ITPR2: variants seen among roughly 807,000 people sequenced by gnomAD.
The protein encoded by ITPR2 is inositol 1,4,5-trisphosphate receptor type 2.
A neutral mutation model predicts 317.1 loss-of-function variants in ITPR2; 207 were observed. The ratio of observed to expected loss-of-function variants is 0.65; its 90% confidence interval spans 0.58 to 0.73. The LOEUF is 0.73. ITPR2 is among the 30% of genes least tolerant of loss of function. The probability of loss-of-function intolerance (pLI) is 0.00; values close to 1 mark genes in which losing one functional copy is unlikely to be tolerated. For synonymous variants in ITPR2, 1,156 were observed against 1,149.1 expected, an observed-to-expected ratio of 1.01 and a Z score of -0.12; for missense variants, 2,613 against 3,284.0, an observed-to-expected ratio of 0.80 and a Z score of 4.99.
At chr12:26,729,405 A>G (rs1396933828) in intron 2 of ITPR2, among the ~76,000 whole-genome samples, 1 of 152,164 alleles carries the variant, frequency 6.6e-6, no homozygotes, top group Non-Finnish European at 1.5e-5. Flanking sequence ...CAATTTCTCA[A>G]AGGCCAAAAG....
chr12:26,601,693 G>A (rs1946001327), intron 28 of ITPR2, among the ~76,000 whole-genome samples: 1 of 152,260 alleles, frequency 6.6e-6, no homozygotes, highest in Admixed American at 6.5e-5. Context: ...GTTTGATGAA[G>A]AATGGGATAT....
intron 37 of ITPR2, among the ~76,000 whole-genome samples, chr12:26,515,157 T>C (rs963731445): frequency 3.3e-5 from 5 of 152,194 alleles, no homozygotes; most frequent in African/African-American, 1.2e-4. Context: ...GAACAATCTA[T>C]AAATCAAAAG....
intron 30 of ITPR2, among the ~76,000 whole-genome samples, chr12:26,598,112 G>C (rs1233804398): frequency 2.0e-5 from 3 of 152,062 alleles, no homozygotes; most frequent in African/African-American, 7.2e-5. Flanking sequence ...TTCTTTCCTT[G>C]CTGATCATAA....
chr12:26,777,279 A>G (rs537197697), intron 2 of ITPR2, among the ~76,000 whole-genome samples: 121 of 151,842 alleles, frequency 8.0e-4, no homozygotes, highest in Non-Finnish European at 1.5e-3. Context: ...CACTTTACTC[A>G]TCCCAGCTGG....
intron 45 of ITPR2, among the ~76,000 whole-genome samples, chr12:26,456,085 G>C (rs1941878270): frequency 6.6e-6 from 1 of 152,088 alleles, no homozygotes; most frequent in South Asian, 2.1e-4. Flanking sequence ...TCTTAAACGG[G>C]GGCTGGATAA....
chr12:26,522,102 G>T (rs1943681934), intron 37 of ITPR2, among the ~76,000 whole-genome samples: 6 of 152,096 alleles, frequency 3.9e-5, no homozygotes, highest in South Asian at 4.1e-4. Context: ...GAACCAAAAA[G>T]AATAAACTAT....
At chr12:26,452,694 T>C (rs531006063) in intron 45 of ITPR2, among the ~76,000 whole-genome samples, 2 of 152,252 alleles carry the variant, frequency 1.3e-5, no homozygotes, top group East Asian at 1.9e-4. Context: ...TGAGAGCAGG[T>C]TGTTATGCAG....
intron 55 of ITPR2, among the ~76,000 whole-genome samples, chr12:26,378,302 T>C (rs1330649672): frequency 2.6e-5 from 4 of 151,402 alleles, no homozygotes; most frequent in Non-Finnish European, 4.4e-5. Flanking sequence ...GGACCATGAC[T>C]GCAAAGAGCC....
At chr12:26,781,545 A>G (rs1263198616) in intron 2 of ITPR2, among the ~76,000 whole-genome samples, 1 of 152,184 alleles carries the variant, frequency 6.6e-6, no homozygotes, top group East Asian at 1.9e-4. Flanking sequence ...TGTTAGGCAT[A>G]ATTATGACCT....
chr12:26,398,057 GGTGTGTGTGTGTGT>G (rs35660888), intron 54 of ITPR2, among the ~76,000 whole-genome samples: 19 of 135,080 alleles, frequency 1.4e-4, no homozygotes, highest in African/African-American at 4.3e-4. Flanking sequence ...GGAGGGGAGT[GGTGTGTGTGTGTGT>G]GTGTGTGTGT....
chr12:26,441,097 GA>G (rs1941479399), intron 46 of ITPR2, among the ~76,000 whole-genome samples: 1 of 152,078 alleles, frequency 6.6e-6, no homozygotes, highest in Non-Finnish European at 1.5e-5. Flanking sequence ...TGTTGAGGGA[GA>G]AAAAAATGTT....
Position 26,339,501 on chromosome 12 carries a change from G to C in ITPR2, c.8020-18C>G, listed in dbSNP as rs778085596. On this transcript the variant is annotated intron_variant, in intron 56 of 56. Transcript: ENST00000381340. ...TCTGTCATCTGGGGGAAAAGAGAGA[G>C]TGTGTGTTCAGCGGATTTTCTCACT... The C allele has an allele frequency of 6.2e-7, 1 of 1,607,622 alleles. No homozygotes were observed. The highest frequency in any genetic ancestry group is 1.1e-5 in the South Asian group (1 of 90,776).
At chr12:26,617,311 T>C (rs912132799) in intron 26 of ITPR2, among the ~76,000 whole-genome samples, 11 of 152,176 alleles carry the variant, frequency 7.2e-5, no homozygotes, top group African/African-American at 2.4e-4. Flanking sequence ...AACAAATTTA[T>C]GCCAATAAAT....
chr12:26,635,854 G>C (rs1445677715), intron 21 of ITPR2, among the ~76,000 whole-genome samples: 1 of 152,140 alleles, frequency 6.6e-6, no homozygotes, highest in East Asian at 1.9e-4. Context: ...TGAGGGTCTG[G>C]GTTATAAAAG....
In ITPR2 at chr12:26,621,119, G is replaced by T; in HGVS notation, c.3462+4C>A. ...AGTATTTCGAAATAGATCTTGAAACGAACCTCAATTGGCTCTTCACCACCT... is the reference window on the plus strand; with the variant it reads ...AGTATTTCGAAATAGATCTTGAAACTAACCTCAATTGGCTCTTCACCACCT... On this transcript the variant is annotated splice_donor_region_variant and intron_variant, in intron 26 of 56. Transcript: ENST00000381340. 2 of 1,610,056 alleles carry T rather than the reference G, an allele frequency of 1.2e-6. No individual in the cohort carries two copies. The highest frequency in any genetic ancestry group is 1.7e-6 in the Non-Finnish European group (2 of 1,177,816).
rs147306153 is a variant in ITPR2 at position 26,743,549 on chromosome 12, A to G, written c.164-17784T>C. On this transcript the variant is annotated intron_variant, in intron 2 of 56. Transcript: ENST00000381340. ...ATCCCTAGAACCAAGTTTAGAACAT[A>G]TAATATGTTCAGTGAAGCAATTTTA... is the stretch of plus-strand genomic sequence containing the variant. Among the ~76,000 whole-genome samples, 144 of 152,312 alleles carry G rather than the reference A, an allele frequency of 9.5e-4. 1 individual carries two copies. The highest frequency in any genetic ancestry group is 3.4e-3 in the African/African-American group (141 of 41,568).
intron 9 of ITPR2, among the ~76,000 whole-genome samples, chr12:26,705,518 T>C (rs1181441447): frequency 6.6e-6 from 1 of 152,206 alleles, no homozygotes; most frequent in Non-Finnish European, 1.5e-5. Context: ...TACTCCCTAA[T>C]GATCTTACCT....
intron 20 of ITPR2, 96 bp from the exon 21 acceptor site, chr12:26,654,222 T>A: frequency 1.0e-6 from 1 of 955,904 alleles, no homozygotes; most frequent in South Asian, 1.6e-5. Context: ...TTATCTAAAT[T>A]AGCACAGCAA....
chr12:26,641,147 G>C (rs1946974957), intron 21 of ITPR2, among the ~76,000 whole-genome samples: 1 of 152,020 alleles, frequency 6.6e-6, no homozygotes, highest in South Asian at 2.1e-4. Context: ...AGCTTCAAGA[G>C]ATCTTTAGCT....
Sources: gnomAD v4.1 joint callset for allele counts (sites outside exome capture counted in the v4.1 genomes callset) on GRCh38, gnomAD v4.1.1 for gene constraint, MANE v1.5 for transcripts, NCBI Gene and HGNC (gene_info 2026-07-23, HGNC 2026-07-21) for gene names.